NEK10: variants seen among roughly 807,000 people sequenced by gnomAD.
NEK10 encodes serine/threonine-protein kinase Nek10.
In NEK10, 122 loss-of-function variants were observed where a neutral mutation model predicts 159.8. The ratio of observed to expected loss-of-function variants is 0.76; its 90% CI spans 0.66 to 0.89. NEK10 has a LOEUF of 0.89. Ranked by LOEUF, NEK10 falls within the 40% of genes least tolerant of loss-of-function variation. The probability of loss-of-function intolerance (pLI) is 0.00; values close to 1 mark genes in which losing one functional copy is unlikely to be tolerated. For missense variants in NEK10, 1,342 were observed against 1,323.1 expected, an observed-to-expected ratio of 1.01 and a Z score of -0.22; for synonymous variants, 466 against 457.1, an observed-to-expected ratio of 1.02 and a Z score of -0.25.
intron 3 of NEK10, among the ~76,000 whole-genome samples, chr3:27,350,837 A>G (rs953760395): frequency 6.6e-6 from 1 of 152,104 alleles, no homozygotes; most frequent in Non-Finnish European, 1.5e-5. Flanking sequence ...CAGAAAAACT[A>G]TATTGGTTTT....
At position 27,259,998 on chromosome 3, in the gene NEK10, A is replaced by G. The variant is rs139741157; in HGVS notation, c.2015-3627T>C. On this transcript the variant is annotated intron_variant, in intron 22 of 35. Coordinates refer to ENST00000691995, the MANE Select transcript of NEK10 (RefSeq NM_001394966.1). ...TTGAAGCAATTGTGAATGCGAGTTC[A>G]CTCATGATTTGGCTCTATGTTTTTC... 8.7e-3 allele frequency among the ~76,000 whole-genome samples: 1,326 copies of G among 152,234 alleles called. 19 individuals carry two copies. The highest frequency in any genetic ancestry group is 0.029 in the African/African-American group (1,220 of 41,538).
At chr3:27,163,408 G>C (rs1328230054) in intron 29 of NEK10, among the ~76,000 whole-genome samples, 1 of 151,798 alleles carries the variant, frequency 6.6e-6, no homozygotes, top group Non-Finnish European at 1.5e-5. Flanking sequence ...CTGGAGTGCA[G>C]TGACGCGATC....
In NEK10 at chr3:27,352,500, G is replaced by A. The variant is rs762125428; in HGVS notation, c.97C>T (p.Arg33Trp). ...IRDYSDLKRLRCLLNVQSSKQ... is the reference protein window; with the variant it reads ...IRDYSDLKRLWCLLNVQSSKQ... ...CTTGATTGGACGTTCAAAAGGCACC[G>A]AAGTCTTTTAAGATCTGAATAGTCC... Residue 33 changes from arginine (R) to tryptophan (W), a missense_variant, in exon 3 of 36, where the codon CGG (arginine) becomes TGG (tryptophan). Arg to Trp is a moderately radical substitution (Grantham distance 101, BLOSUM62 -3). Transcript: ENST00000691995. 1.2e-5 allele frequency: 20 copies of A among 1,611,138 alleles called. No individual in the cohort carries two copies. The highest frequency in any genetic ancestry group is 2.2e-5 in the East Asian group (1 of 44,862).
chr3:27,207,542 A>T (rs1297402493), intron 23 of NEK10, among the ~76,000 whole-genome samples: 6 of 152,158 alleles, frequency 3.9e-5, no homozygotes, highest in Non-Finnish European at 8.8e-5. Context: ...ACTATTACGA[A>T]GTCTATTTTA....
chr3:27,198,988 G>T (rs998207032), intron 25 of NEK10, among the ~76,000 whole-genome samples: 1 of 150,200 alleles, frequency 6.7e-6, no homozygotes, highest in East Asian at 2.0e-4. Context: ...CAGGAGAATC[G>T]CTTGAACCTG....
chr3:27,253,280 T>C (rs768458593), intron 23 of NEK10, among the ~76,000 whole-genome samples: 2 of 152,198 alleles, frequency 1.3e-5, no homozygotes, highest in Non-Finnish European at 2.9e-5. Context: ...AAATCCCATA[T>C]ATGTTCTGTG....
rs1253689023 is a variant in NEK10 at position 27,297,174 on chromosome 3, C to G, written c.1230+5G>C. On this transcript the variant is annotated splice_donor_5th_base_variant and intron_variant, in intron 14 of 35. Transcript: ENST00000691995. The stretch of plus-strand genomic sequence containing the variant: ...AGACCTGACCTTGAGAAGGAGTGCT[C>G]TCACCTGAACCACCTGGTGGGCATT... 1.2e-6 allele frequency: 2 copies of G among 1,606,764 alleles called. No homozygotes were observed. Among genetic ancestry groups the G allele is most frequent in the South Asian group, 1.1e-5 (1 of 90,882 alleles).
chr3:27,289,688 CT>C lies in NEK10; in HGVS notation c.1743+928del, dbSNP rs2042863342. Among the ~76,000 whole-genome samples, 7 of 152,302 alleles carry C rather than the reference CT, an allele frequency of 4.6e-5. No individual in the cohort carries two copies. The South Asian group carries it at 1.2e-3, about 27-fold the overall frequency. On this transcript the variant is annotated intron_variant, in intron 19 of 35. Coordinates refer to ENST00000691995, the MANE Select transcript of NEK10 (RefSeq NM_001394966.1). Reference sequence around the variant, plus strand: ...CTTAGGTCAAAAGCCCTGTTCTAGCCTTGTGCTACAATGAAAGAGCACACTG... The same window carrying C: ...CTTAGGTCAAAAGCCCTGTTCTAGCCTGTGCTACAATGAAAGAGCACACTG...
At chr3:27,260,316 T>C (rs2040287716) in intron 22 of NEK10, among the ~76,000 whole-genome samples, 1 of 152,186 alleles carries the variant, frequency 6.6e-6, no homozygotes. Context: ...AAGGGAATGC[T>C]TCCAGTTTTT....
intron 23 of NEK10, among the ~76,000 whole-genome samples, chr3:27,225,576 G>T (rs1342461661): frequency 6.6e-6 from 1 of 152,206 alleles, no homozygotes; most frequent in Non-Finnish European, 1.5e-5. Flanking sequence ...CTGTTAGGAA[G>T]CTTACAAAGT....
chr3:27,137,300 A>C (rs985244261), intron 31 of NEK10, among the ~76,000 whole-genome samples: 5 of 152,306 alleles, frequency 3.3e-5, no homozygotes, highest in Middle Eastern at 3.4e-3. Flanking sequence ...TAAGATATTT[A>C]TAATAGTTTT....
chr3:27,140,540 T>C (rs1943681251), intron 31 of NEK10, among the ~76,000 whole-genome samples: 1 of 152,218 alleles, frequency 6.6e-6, no homozygotes, highest in Non-Finnish European at 1.5e-5. Context: ...TTTTTAATGA[T>C]TTTTTGTTTT....
chr3:27,287,361 A>G (rs984808644), intron 20 of NEK10, among the ~76,000 whole-genome samples: 5 of 152,220 alleles, frequency 3.3e-5, no homozygotes, highest in Admixed American at 6.5e-5. Context: ...GTCAACAAAA[A>G]CAACTTTCTT....
intron 23 of NEK10, among the ~76,000 whole-genome samples, chr3:27,231,973 C>T (rs1231400162): frequency 1.3e-5 from 2 of 151,952 alleles, no homozygotes; most frequent in East Asian, 3.9e-4. Context: ...GGAATCATCC[C>T]TAATTCATTC....
At chr3:27,135,305 G>A (rs1030977487) in intron 31 of NEK10, among the ~76,000 whole-genome samples, 2 of 152,042 alleles carry the variant, frequency 1.3e-5, no homozygotes, top group African/African-American at 4.8e-5. Context: ...TTTCATTTGA[G>A]GCAAGTAGTC....
intron 7 of NEK10, among the ~76,000 whole-genome samples, chr3:27,312,543 T>A (rs1378345323): frequency 6.6e-6 from 1 of 152,192 alleles, no homozygotes; most frequent in East Asian, 1.9e-4. Flanking sequence ...AATGTATCTT[T>A]TTAGGAGAAT....
chr3:27,265,533 G>A (rs2040815992), intron 22 of NEK10: 1 of 152,120 alleles, frequency 6.6e-6, no homozygotes, highest in Non-Finnish European at 1.5e-5. Context: ...GCTTATTTGT[G>A]TTGAACACTT....
At chr3:27,362,578 G>A (rs1029760623) in intron 1 of NEK10, among the ~76,000 whole-genome samples, 3 of 150,278 alleles carry the variant, frequency 2.0e-5, no homozygotes, top group Non-Finnish European at 3.0e-5. Context: ...TTAGGTGGGC[G>A]CAAAAGTAAT....
intron 1 of NEK10, among the ~76,000 whole-genome samples, chr3:27,354,305 A>G (rs1175856704): frequency 6.6e-6 from 1 of 152,186 alleles, no homozygotes; most frequent in Non-Finnish European, 1.5e-5. Context: ...TCTCTTGCTT[A>G]ATTTCCATAA....
Sources: allele counts gnomAD v4.1 joint callset (sites outside exome capture counted in the v4.1 genomes callset), GRCh38; gene constraint gnomAD v4.1.1; transcripts MANE v1.5; gene names NCBI Gene and HGNC (gene_info 2026-07-23, HGNC 2026-07-21).